Variants in EPHA6 observed in about 807,000 individuals in gnomAD.
The protein encoded by EPHA6 is ephrin type-A receptor 6.
In EPHA6, 50 loss-of-function variants were observed where a neutral mutation model predicts 112.0. The observed-to-expected ratio is 0.45, with a 90% CI of 0.36 to 0.56. The LOEUF (loss-of-function observed/expected upper bound fraction) is 0.56, where lower values mean the gene tolerates loss of function less well. Ranked by LOEUF, EPHA6 falls within the 20% of genes least tolerant of loss-of-function variation. EPHA6 has a pLI of 0.00. For missense variants in EPHA6, 1,280 were observed against 1,417.4 expected (o/e 0.90, Z 1.56); for synonymous variants, 529 against 490.7 (o/e 1.08, Z -1.03).
At chr3:97,148,487 T>C (rs1380352995) in intron 3 of EPHA6, among the ~76,000 whole-genome samples, 1 of 152,054 alleles carries the variant, frequency 6.6e-6, no homozygotes, top group Non-Finnish European at 1.5e-5. Flanking sequence ...TGCATATCTT[T>C]TTCAAAAATT....
At chr3:97,285,580 G>A (rs1015733119) in intron 5 of EPHA6, among the ~76,000 whole-genome samples, 5 of 151,994 alleles carry the variant, frequency 3.3e-5, no homozygotes, top group Non-Finnish European at 7.4e-5. Flanking sequence ...TGGCCAGATA[G>A]TATTCCATTG....
intron 14 of EPHA6, among the ~76,000 whole-genome samples, chr3:97,709,260 G>C (rs569892407): frequency 1.3e-5 from 2 of 152,336 alleles, no homozygotes; most frequent in South Asian, 4.1e-4. Context: ...AAAGGCCTTG[G>C]GAGCCCACTT....
intron 1 of EPHA6, among the ~76,000 whole-genome samples, chr3:96,822,827 C>T (rs1426944012): frequency 6.6e-6 from 1 of 150,978 alleles, no homozygotes; most frequent in East Asian, 1.9e-4. Context: ...CAAAGAGAAT[C>T]ACATTCTTAG....
At chr3:96,883,848 T>C (rs1344468435) in intron 2 of EPHA6, among the ~76,000 whole-genome samples, 1 of 152,098 alleles carries the variant, frequency 6.6e-6, no homozygotes, top group Non-Finnish European at 1.5e-5. Context: ...TTTTGTATTT[T>C]TTTGGTAGAG....
chr3:97,357,099 G>A (rs2084118154), intron 5 of EPHA6, among the ~76,000 whole-genome samples: 1 of 152,080 alleles, frequency 6.6e-6, no homozygotes, highest in Admixed American at 6.6e-5. Flanking sequence ...AGCCACCCTT[G>A]CTCTCTTTTG....
chr3:96,961,809 C>T (rs766979473), intron 2 of EPHA6, among the ~76,000 whole-genome samples: 12 of 152,162 alleles, frequency 7.9e-5, no homozygotes, highest in Non-Finnish European at 1.5e-4. Context: ...GAATAATTTT[C>T]ATACCAATTG....
chr3:96,988,109 G>C, intron 3 of EPHA6, 116 bp downstream of exon 3: 1 of 745,386 alleles, frequency 1.3e-6, no homozygotes, highest in East Asian at 2.7e-5. Context: ...GTAATGTTTT[G>C]ATACATATAA....
chr3:97,324,413 CTTT>C (rs1559883567), intron 5 of EPHA6, among the ~76,000 whole-genome samples: 1 of 116,814 alleles, frequency 8.6e-6, no homozygotes, highest in African/African-American at 3.4e-5. Flanking sequence ...TCTTTTCTTT[CTTT>C]CTTTCTTTCT....
chr3:97,204,147 A>G (rs2077653168), intron 3 of EPHA6, among the ~76,000 whole-genome samples: 1 of 152,170 alleles, frequency 6.6e-6, no homozygotes, highest in Non-Finnish European at 1.5e-5. Context: ...TATGAAATGC[A>G]ACAGTGTTTT....
intron 11 of EPHA6, among the ~76,000 whole-genome samples, chr3:97,575,174 A>G (rs2093370732): frequency 6.6e-6 from 1 of 152,168 alleles, no homozygotes; most frequent in Non-Finnish European, 1.5e-5. Context: ...ATTGATATAG[A>G]CTTGTGGTAC....
rs557795797 is a variant in EPHA6 at position 97,368,566 on chromosome 3, G to A, written c.1607-36584G>A. Among the ~76,000 whole-genome samples the A allele has an allele frequency of 9.2e-5, 14 of 152,072 alleles. No individual in the cohort carries two copies. The South Asian group carries it at 2.9e-3, about 32-fold the overall frequency. On this transcript the variant is annotated intron_variant, in intron 5 of 17. Coordinates refer to ENST00000389672, the MANE Select transcript of EPHA6 (RefSeq NM_001080448.3). ...TCAAAGCTAATAAAATATATTTATG[G>A]TACTTATATTTGCTACACTTATTTA...
chr3:97,125,498 A>G (rs2048159508), intron 3 of EPHA6, among the ~76,000 whole-genome samples: 1 of 152,160 alleles, frequency 6.6e-6, no homozygotes. Context: ...TTTCCCTTGA[A>G]TGCAAGAATA....
chr3:97,023,741 A>G, intron 3 of EPHA6, among the ~76,000 whole-genome samples: 1 of 152,064 alleles, frequency 6.6e-6, no homozygotes, highest in East Asian at 1.9e-4. Context: ...ATCCTCCAAT[A>G]AGGAAATAAC....
At chr3:97,013,071 C>A (rs1000243612) in intron 3 of EPHA6, among the ~76,000 whole-genome samples, 4 of 152,092 alleles carry the variant, frequency 2.6e-5, no homozygotes, top group Admixed American at 2.0e-4. Context: ...TTGATAATTT[C>A]TTTTGCTGTG....
At chr3:96,938,088 C>T (rs1307378100) in intron 2 of EPHA6, among the ~76,000 whole-genome samples, 20 of 151,380 alleles carry the variant, frequency 1.3e-4, no homozygotes, top group African/African-American at 3.1e-4. Flanking sequence ...CTTGGTGATG[C>T]GGGCTCTTTT....
intron 1 of EPHA6, among the ~76,000 whole-genome samples, chr3:96,854,365 A>C (rs2035572364): frequency 6.6e-6 from 1 of 151,752 alleles, no homozygotes; most frequent in Non-Finnish European, 1.5e-5. Flanking sequence ...TTTTTAGTAA[A>C]GTCGAGATTT....
chr3:97,704,795 C>A (rs2033591799), intron 14 of EPHA6, among the ~76,000 whole-genome samples: 1 of 151,852 alleles, frequency 6.6e-6, no homozygotes, highest in South Asian at 2.1e-4. Context: ...AAATGGCATC[C>A]CGTTTTTATC....
chr3:96,951,053 G>T (rs1400187271), intron 2 of EPHA6, among the ~76,000 whole-genome samples: 3 of 151,758 alleles, frequency 2.0e-5, no homozygotes, highest in Non-Finnish European at 4.4e-5. Context: ...GTGGAATTAT[G>T]ATAGTAAAAA....
At chr3:97,358,733 C>A (rs900442931) in intron 5 of EPHA6, among the ~76,000 whole-genome samples, 12 of 151,936 alleles carry the variant, frequency 7.9e-5, no homozygotes, top group African/African-American at 2.9e-4. Context: ...GCATTTCTTG[C>A]AGAGGAAGTC....
Sources: allele counts gnomAD v4.1 joint callset (sites outside exome capture counted in the v4.1 genomes callset), GRCh38; gene constraint gnomAD v4.1.1; transcripts MANE v1.5; gene names NCBI Gene and HGNC (gene_info 2026-07-23, HGNC 2026-07-21).